Variants in USP49 observed in about 807,000 individuals in gnomAD.
USP49 encodes the protein ubiquitin carboxyl-terminal hydrolase 49.
Under a neutral mutation model 58.6 loss-of-function variants are expected in USP49, and 24 were observed. That is an observed-to-expected ratio of 0.41 (90% CI 0.30 to 0.58). The LOEUF (loss-of-function observed/expected upper bound fraction) is 0.58, where lower values mean the gene tolerates loss of function less well. USP49 is among the 20% of genes least tolerant of loss of function. The pLI is 0.30. For synonymous variants in USP49, 408 were observed against 365.1 expected (o/e 1.12, Z -1.34); for missense variants, 703 against 866.1 (o/e 0.81, Z 2.36).
chr6:41,829,841 A>G (rs1177282665), intron 3 of USP49, among the ~76,000 whole-genome samples: 1 of 152,206 alleles, frequency 6.6e-6, no homozygotes, highest in Non-Finnish European at 1.5e-5. Context: ...AGGTTAAGAA[A>G]GTTTTTTATT....
chr6:41,798,640 G>A (rs1772934928), intron 7 of USP49, 84 bp downstream of exon 7: 2 of 1,607,650 alleles, frequency 1.2e-6, no homozygotes, highest in Non-Finnish European at 1.7e-6. Context: ...TAATCCATGG[G>A]ATGGAAATAA....
At chr6:41,816,526 G>C (rs1267463384) in intron 3 of USP49, among the ~76,000 whole-genome samples, 3 of 151,938 alleles carry the variant, frequency 2.0e-5, no homozygotes, top group Non-Finnish European at 4.4e-5. Flanking sequence ...TCCATCCTCA[G>C]CTCTCTTCTC....
intron 3 of USP49, among the ~76,000 whole-genome samples, chr6:41,834,153 G>A (rs1381944927): frequency 6.6e-6 from 1 of 152,026 alleles, no homozygotes; most frequent in African/African-American, 2.4e-5. Flanking sequence ...GGCATTCTTG[G>A]GTCTCTGATG....
chr6:41,869,174 A>C (rs1238544380), intron 3 of USP49, among the ~76,000 whole-genome samples: 1 of 151,222 alleles, frequency 6.6e-6, no homozygotes, highest in Non-Finnish European at 1.5e-5. Context: ...TAAAATAGTT[A>C]ATTGTCTACA....
rs150218164 is a variant in USP49, at chr6:41,828,551, G to A, written c.-28-21540C>T. 4.6e-5 allele frequency among the ~76,000 whole-genome samples: 7 copies of A among 152,178 alleles called. No homozygotes were observed. In the East Asian group the frequency reaches 1.4e-3, roughly 29 times the overall value. ...TACATATTCCAAGAGATCAAGCTTT[G>A]CCTATTTTTTGATTAGGCTGTTTTA... On this transcript the variant is annotated intron_variant, in intron 3 of 7. Coordinates refer to ENST00000682992, the MANE Select transcript of USP49 (RefSeq NM_001286554.2).
rs958144604 is a variant in USP49 at position 41,790,656 on chromosome 6, CACT to C, written c.*5874_*5876del. ...TGACAGATGTCTCTAGCAGTTTGTT[CACT>C]ACTAAAGTTAAACAGGACAAAATAG... On this transcript the variant is annotated 3_prime_UTR_variant, in exon 8 of 8. Coordinates refer to ENST00000682992, the MANE Select transcript of USP49 (RefSeq NM_001286554.2). The C allele has an allele frequency of 6.6e-5, 10 of 152,152 alleles. No homozygotes were observed. Among genetic ancestry groups the C allele is most frequent in the African/African-American group, 2.4e-4 (10 of 41,442 alleles). The allele number at this position is 152,152 out of a possible 1,614,324, so 9.4% of individuals were successfully genotyped here.
intron 3 of USP49, 68 bp from the exon 4 acceptor site, chr6:41,807,079 A>AC: frequency 1.8e-6 from 2 of 1,109,544 alleles, no homozygotes; most frequent in Non-Finnish European, 2.3e-6. Context: ...ATTTTCCTTA[A>AC]AAAAAAAAAA....
chr6:41,841,272 T>C (rs1773823144), intron 3 of USP49, among the ~76,000 whole-genome samples: 2 of 152,132 alleles, frequency 1.3e-5, no homozygotes, highest in African/African-American at 4.8e-5. Flanking sequence ...TGGATATCTA[T>C]TAGGCATTCT....
rs62396746 is a variant in USP49, at chr6:41,806,841, C to T, written c.143G>A (p.Arg48His). The T allele has an allele frequency of 4.3e-6, 7 of 1,613,936 alleles. No homozygotes were observed. The Admixed American group carries it at 1.0e-4, about 23-fold the overall frequency. The change falls in exon 4 of 8, where the codon CGC becomes CAC. Residue 48 changes from arginine (R) to histidine (H), a missense_variant. Coordinates refer to ENST00000682992, the MANE Select transcript of USP49 (RefSeq NM_001286554.2). The surrounding 1 kb of genome is among the most constrained non-coding windows in gnomAD (Gnocchi z 5.9). ...TTTCAGGGCGTGGTCCTCAATATAGCGGCCGCAGGCCACGTGGGAGCACTT... is the reference window on the plus strand; with the variant it reads ...TTTCAGGGCGTGGTCCTCAATATAGTGGCCGCAGGCCACGTGGGAGCACTT... ...CLKCSHVACG[R>H]YIEDHALKHF... is the part of the protein sequence containing the mutation.
At chr6:41,835,262 T>C (rs1028879934) in intron 3 of USP49, among the ~76,000 whole-genome samples, 2 of 152,230 alleles carry the variant, frequency 1.3e-5, no homozygotes, top group Admixed American at 6.5e-5. Context: ...AAGGAGTCTT[T>C]AGCCAACTTA....
At chr6:41,848,749 G>T (rs538335919) in intron 3 of USP49, among the ~76,000 whole-genome samples, 1 of 151,918 alleles carries the variant, frequency 6.6e-6, no homozygotes, top group South Asian at 2.1e-4. Context: ...CAGCTACTTG[G>T]GAGGCTGAGG....
chr6:41,853,834 T>TAA (rs35951100), intron 3 of USP49, among the ~76,000 whole-genome samples: 17 of 150,274 alleles, frequency 1.1e-4, no homozygotes, highest in African/African-American at 3.9e-4. Context: ...CCGTCTCTAC[T>TAA]AAAAAAAATA....
chr6:41,880,199 G>A (rs996616479), intron 2 of USP49, among the ~76,000 whole-genome samples: 3 of 151,098 alleles, frequency 2.0e-5, no homozygotes, highest in Non-Finnish European at 4.4e-5. Context: ...TAATTAGAAA[G>A]GTCTTAAGAT....
intron 5 of USP49, 83 bp from the exon 6 acceptor site, chr6:41,800,021 A>G (rs1772969289): frequency 4.9e-6 from 6 of 1,215,544 alleles, no homozygotes; most frequent in Non-Finnish European, 7.2e-6. Context: ...GCCATTCAAT[A>G]TGCATTCTCC....
intron 2 of USP49, among the ~76,000 whole-genome samples, chr6:41,877,068 G>A (rs1774515387): frequency 6.6e-6 from 1 of 152,168 alleles, no homozygotes; most frequent in Non-Finnish European, 1.5e-5. Flanking sequence ...TCACATTTCA[G>A]TGCACCACAT....
intron 3 of USP49, among the ~76,000 whole-genome samples, chr6:41,864,827 A>G (rs1266258727): frequency 6.6e-6 from 1 of 152,118 alleles, no homozygotes; most frequent in Non-Finnish European, 1.5e-5. Context: ...TCTGACAGCC[A>G]TATTAGTTAA....
intron 2 of USP49, among the ~76,000 whole-genome samples, chr6:41,878,544 C>G (rs553196678): frequency 3.3e-5 from 5 of 152,242 alleles, no homozygotes; most frequent in Admixed American, 1.3e-4. Flanking sequence ...ATAGCATATA[C>G]CAGAGTTGCT....
At chr6:41,808,752 C>T (rs1269102767) in intron 3 of USP49, among the ~76,000 whole-genome samples, 2 of 151,982 alleles carry the variant, frequency 1.3e-5, no homozygotes, top group African/African-American at 2.4e-5. Flanking sequence ...ATCTTTGGAA[C>T]TTTGAAAGGC....
In USP49 at chr6:41,805,798, C is replaced by A. The variant is rs1193591432; in HGVS notation, c.1186G>T (p.Asp396Tyr). 2 of 1,614,018 alleles carry A rather than the reference C, an allele frequency of 1.2e-6. No individual in the cohort carries two copies. The highest frequency in any genetic ancestry group is 3.3e-5 in the Admixed American group (2 of 60,012). Reference protein sequence around the residue: ...WSLIPAFRGYDQQDAQEFLCE... With the variant: ...WSLIPAFRGYYQQDAQEFLCE... ...AGAAATTCCTGCGCGTCCTGTTGGT[C>A]GTAGCCGCGGAAGGCAGGGATCAGG... Residue 396 changes from aspartate to tyrosine, a missense_variant, in exon 4 of 8, where the codon GAC becomes TAC. Transcript: ENST00000682992.
Sources: allele counts gnomAD v4.1 joint callset (sites outside exome capture counted in the v4.1 genomes callset), GRCh38; gene constraint gnomAD v4.1.1; non-coding constraint Gnocchi (gnomAD v3.1); transcripts MANE v1.5; gene names NCBI Gene and HGNC (gene_info 2026-07-23, HGNC 2026-07-21).